The following ZNF189 variants were observed in gnomAD, a reference collection of about 807,000 sequenced individuals.
ZNF189 encodes the protein zinc finger protein 189.
In ZNF189, 33 loss-of-function variants were observed where a neutral mutation model predicts 53.5. The ratio of observed to expected loss-of-function variants is 0.62; its 90% CI spans 0.47 to 0.82. The LOEUF is 0.82. ZNF189 is among the 40% of genes least tolerant of loss of function. The probability of loss-of-function intolerance (pLI) is 0.00; values close to 1 mark genes in which losing one functional copy is unlikely to be tolerated. For missense variants in ZNF189, 711 were observed against 753.9 expected (o/e 0.94, Z 0.67); for synonymous variants, 247 against 238.8 (o/e 1.03, Z -0.32).
At chr9:101,406,867 C>G (rs1220459172) in intron 2 of ZNF189, among the ~76,000 whole-genome samples, 1 of 152,150 alleles carries the variant, frequency 6.6e-6, no homozygotes, top group Non-Finnish European at 1.5e-5. Context: ...GTCTTTTCTT[C>G]AACACATGCA....
At chr9:101,405,468 A>T (rs1457515567) in intron 2 of ZNF189, among the ~76,000 whole-genome samples, 1 of 152,134 alleles carries the variant, frequency 6.6e-6, no homozygotes, top group Non-Finnish European at 1.5e-5. Context: ...CTTTCAAGAG[A>T]TAATTAAAGG....
intron 2 of ZNF189, among the ~76,000 whole-genome samples, chr9:101,403,483 A>G (rs1468760768): frequency 6.6e-6 from 1 of 152,142 alleles, no homozygotes; most frequent in Non-Finnish European, 1.5e-5. Context: ...TGCTTTTCAT[A>G]ATGCAACTCT....
rs1021955360 is a variant in ZNF189 at position 101,400,019 on chromosome 9, C to G, written c.160+9C>G. 3 of 1,611,500 alleles carry G rather than the reference C, an allele frequency of 1.9e-6. No homozygotes were observed. Among genetic ancestry groups the G allele is most frequent in the Non-Finnish European group, 2.5e-6 (3 of 1,179,362 alleles). The stretch of plus-strand genomic sequence containing the variant: ...AAACCTGGTCTCACTGGGTAAGAAT[C>G]TGCTGTTTCTCTAATTAAAATATCT... On this transcript the variant is annotated intron_variant, in intron 2 of 2. Transcript: ENST00000339664.
At chr9:101,404,777 A>G (rs1830650104) in intron 2 of ZNF189, among the ~76,000 whole-genome samples, 1 of 152,244 alleles carries the variant, frequency 6.6e-6, no homozygotes, top group South Asian at 2.1e-4. Context: ...ATAACTGAAC[A>G]AATATTCTGA....
At chr9:101,403,306 T>A (rs1272090621) in intron 2 of ZNF189, among the ~76,000 whole-genome samples, 2 of 152,146 alleles carry the variant, frequency 1.3e-5, no homozygotes, top group Admixed American at 6.5e-5. Flanking sequence ...GCTGTCTTCT[T>A]TATTTCAGCT....
At position 101,409,438 on chromosome 9, in the gene ZNF189, A is replaced by T. The variant is rs1830854458; in HGVS notation, c.1670A>T (p.Gln557Leu). 2 of 1,614,074 alleles carry T rather than the reference A, an allele frequency of 1.2e-6. No individual in the cohort carries two copies. The highest frequency in any genetic ancestry group is 1.7e-6 in the Non-Finnish European group (2 of 1,180,028). ...TTTAGCCGGAACTCGGGTCTTATTC[A>T]GCATCAGAGAATACACACAGGAGAG... is the stretch of plus-strand genomic sequence containing the variant. ...KAFSRNSGLIQHQRIHTGEKP... is the reference protein window; with the variant it reads ...KAFSRNSGLILHQRIHTGEKP... Residue 557 changes from glutamine to leucine, a missense_variant, in exon 3 of 3, where the codon CAG becomes CTG. Transcript: ENST00000339664.
rs1472293961 is a variant in ZNF189 at position 101,409,483 on chromosome 9, A to G, written c.1715A>G (p.Lys572Arg). ...HTGEKPYKCE[K>R]CDKSFSQQRS... is the part of the protein sequence containing the mutation. ...GGAGAGAAACCTTATAAGTGTGAGA[A>G]GTGCGACAAAAGTTTCAGTCAACAG... The change falls in exon 3 of 3, where the codon AAG (lysine) becomes AGG (arginine). Residue 572 changes from lysine to arginine, a missense_variant. Physicochemically the swap from Lys to Arg is conservative, Grantham distance 26. Coordinates refer to ENST00000339664, the MANE Select transcript of ZNF189 (RefSeq NM_003452.4). 6.2e-7 allele frequency: 1 copy of G among 1,614,060 alleles called. No individual in the cohort carries two copies. The highest frequency in any genetic ancestry group is 2.2e-5 in the East Asian group (1 of 44,900).
At chr9:101,400,067 C>G (rs1830478163) in intron 2 of ZNF189, 57 bp downstream of exon 2, 2 of 1,590,076 alleles carry the variant, frequency 1.3e-6, no homozygotes, top group South Asian at 1.1e-5. Flanking sequence ...AGAAATCAGA[C>G]TAACAGAACA....
chr9:101,408,272 G>A lies in ZNF189; in HGVS notation c.504G>A (p.Arg168=), dbSNP rs749264903. 7 of 1,614,108 alleles carry A rather than the reference G, an allele frequency of 4.3e-6. No homozygotes were observed. The highest frequency in any genetic ancestry group is 3.3e-4 in the Middle Eastern group (2 of 6,060). Residue 168 remains arginine (R), a synonymous_variant, in exon 3 of 3, where the codon AGG becomes AGA. Transcript: ENST00000339664. ...AGGCCCATTTCATTCAACATCAAAG[G>A]GTCCATACTGGTGAGAAACCTTTTC... ...VRKAHFIQHQ[R]VHTGEKPFQC...
rs369358777 is a variant in ZNF189, at chr9:101,399,127, C to G, written c.-30C>G. The G allele has an allele frequency of 2.6e-6, 4 of 1,563,886 alleles. No homozygotes were observed. Among genetic ancestry groups the G allele is most frequent in the Non-Finnish European group, 3.5e-6 (4 of 1,135,560 alleles). On this transcript the variant is annotated 5_prime_UTR_variant, in exon 1 of 3. Transcript: ENST00000339664. ...AGGCTCCTTTCCGTGAGGCCGCCCC[C>G]AATTCCTGCCCCTATTCTCTGCCTG...
Position 101,409,832 on chromosome 9 carries a change from T to G in ZNF189, c.*183T>G. The G allele has an allele frequency of 4.9e-6, 3 of 613,566 alleles. No individual in the cohort carries two copies. The South Asian group carries it at 7.1e-5, about 15-fold the overall frequency. 38.0% of individuals were successfully genotyped at this position (613,566 alleles called of 1,614,324 possible). A position where few individuals can be genotyped will look rare whatever the true frequency, so the allele number is the denominator to read the frequency against. ...TGAGCATTTGACTTCCCTTACTCTT[T>G]GATGATCGTAGAGAAAGACTTGGTA... On this transcript the variant is annotated 3_prime_UTR_variant, in exon 3 of 3. Coordinates refer to ENST00000339664, the MANE Select transcript of ZNF189 (RefSeq NM_003452.4).
intron 2 of ZNF189, among the ~76,000 whole-genome samples, chr9:101,402,328 C>T (rs973075388): frequency 1.3e-5 from 2 of 152,154 alleles, no homozygotes; most frequent in African/African-American, 2.4e-5. Context: ...TCTCTCTTTG[C>T]CTCAATTTAT....
chr9:101,399,163 TC>T lies in ZNF189; in HGVS notation c.11del (p.Pro4ArgfsTer11). 1.3e-6 allele frequency: 2 copies of T among 1,594,684 alleles called. No individual in the cohort carries two copies. Among genetic ancestry groups the T allele is most frequent in the Non-Finnish European group, 8.6e-7 (1 of 1,163,934 alleles). On this transcript the variant is annotated frameshift_variant, in exon 1 of 3. Transcript: ENST00000339664. LOFTEE classifies it high-confidence loss of function. ...CCTATTCTCTGCCTGGGAGATGGCT[TC>T]CCCGAGCCCCCCGCCGGAGTCGAAG... MA[S>X]PSPPPESKGL...
rs1407755465 is a variant in ZNF189 at position 101,409,523 on chromosome 9, CCAT to C, written c.1758_1760del (p.His586del). 1 of 1,613,946 alleles carries C rather than the reference CCAT, an allele frequency of 6.2e-7. No homozygotes were observed. Among genetic ancestry groups the C allele is most frequent in the Admixed American group, 1.7e-5 (1 of 59,984 alleles). The stretch of plus-strand genomic sequence containing the variant: ...TCAGTCAACAGCGCAGTCTTGTCAA[CCAT>C]CAGAAGATCCATGCAGAGGTGAAAA... On this transcript the variant is annotated inframe_deletion, in exon 3 of 3. Transcript: ENST00000339664.
In ZNF189 at chr9:101,409,849, G is replaced by T; in HGVS notation, c.*200G>T. 1 of 572,984 alleles carries T rather than the reference G, an allele frequency of 1.7e-6. No homozygotes were observed. The highest frequency in any genetic ancestry group is 2.6e-5 in the South Asian group (1 of 38,486). The allele number at this position is 572,984 out of a possible 1,614,324, so 35.5% of individuals were successfully genotyped here. ...TTACTCTTTGATGATCGTAGAGAAA[G>T]ACTTGGTAATTTATCTAAGTATCTT... On this transcript the variant is annotated 3_prime_UTR_variant, in exon 3 of 3. Transcript: ENST00000339664.
chr9:101,407,627 T>C (rs535596614), intron 2 of ZNF189: 10 of 417,930 alleles, frequency 2.4e-5, no homozygotes, highest in Admixed American at 2.1e-4. Context: ...ACTCCTGAGC[T>C]CAAGTGATCC....
intron 2 of ZNF189, chr9:101,407,425 G>T (rs1297737589): frequency 5.0e-6 from 2 of 397,948 alleles, no homozygotes; most frequent in Non-Finnish European, 8.8e-6. Flanking sequence ...TCACTCTATT[G>T]CCTAGGCTGG....
In ZNF189 at chr9:101,410,147, G is replaced by A; in HGVS notation, c.*498G>A. The stretch of plus-strand genomic sequence containing the variant: ...AAACAAGTATACAGTTTTTGTCATT[G>A]TTTAAGAAAGCCAGTTGTTTGGCAT... On this transcript the variant is annotated 3_prime_UTR_variant, in exon 3 of 3. Coordinates refer to ENST00000339664, the MANE Select transcript of ZNF189 (RefSeq NM_003452.4). 1 of 153,204 alleles carries A rather than the reference G, an allele frequency of 6.5e-6. No individual in the cohort carries two copies. Among genetic ancestry groups the A allele is most frequent in the East Asian group, 1.9e-4 (1 of 5,206 alleles). 9.5% of individuals were successfully genotyped at this position (153,204 alleles called of 1,614,324 possible).
chr9:101,405,065 G>A (rs2118226542), intron 2 of ZNF189, among the ~76,000 whole-genome samples: 1 of 152,280 alleles, frequency 6.6e-6, no homozygotes, highest in African/African-American at 2.4e-5. Context: ...GATAAGACAT[G>A]AAAGACTGTA....
Sources: allele counts gnomAD v4.1 joint callset (sites outside exome capture counted in the v4.1 genomes callset), GRCh38; gene constraint gnomAD v4.1.1; transcripts MANE v1.5; gene names NCBI Gene and HGNC (gene_info 2026-07-23, HGNC 2026-07-21).